The following XKR4 variants were observed in gnomAD, a reference collection of about 807,000 sequenced individuals.
XKR4 encodes the protein XK-related protein 4.
In XKR4, 12 loss-of-function variants were observed where a neutral mutation model predicts 53.9. The observed-to-expected ratio is 0.22, with a 90% CI of 0.14 to 0.36. The LOEUF (loss-of-function observed/expected upper bound fraction) is 0.36. Among genes scored for constraint, XKR4 ranks in the 10% least tolerant of loss-of-function variants. The probability of loss-of-function intolerance (pLI) is 1.00; values close to 1 mark genes in which losing one functional copy is unlikely to be tolerated. For missense variants in XKR4, 799 were observed against 859.5 expected (o/e 0.93, Z 0.88); for synonymous variants, 354 against 362.4 (o/e 0.98, Z 0.26).
intron 2 of XKR4, among the ~76,000 whole-genome samples, chr8:55,473,361 AC>A (rs1805918763): frequency 6.6e-6 from 1 of 151,954 alleles, no homozygotes; most frequent in Admixed American, 6.6e-5. Context: ...CAAAGCAACA[AC>A]CCTATCTTAT....
At chr8:55,259,084 T>A (rs922127837) in intron 1 of XKR4, among the ~76,000 whole-genome samples, 1 of 152,214 alleles carries the variant, frequency 6.6e-6, no homozygotes, top group Non-Finnish European at 1.5e-5. Flanking sequence ...TAAGCCACCA[T>A]GTTCTACAAC....
chr8:55,169,727 A>G (rs894964166), intron 1 of XKR4, among the ~76,000 whole-genome samples: 48 of 152,164 alleles, frequency 3.2e-4, no homozygotes, highest in African/African-American at 1.2e-3. Flanking sequence ...GTGGTATTAA[A>G]CTCTTTCGTT....
In XKR4 at chr8:55,303,955, G is replaced by T. The variant is rs558073110; in HGVS notation, c.807-53723G>T. 2.6e-5 allele frequency among the ~76,000 whole-genome samples: 4 copies of T among 152,176 alleles called. No homozygotes were observed. In the East Asian group the frequency reaches 7.7e-4, roughly 29 times the overall value. On this transcript the variant is annotated intron_variant, in intron 1 of 2. Transcript: ENST00000327381. ...GATCTTTTCAAAAAACCAGCTCCTG[G>T]ATTCATTGATTTTTTGAAGGGTTTT... is the stretch of plus-strand genomic sequence containing the variant.
intron 2 of XKR4, among the ~76,000 whole-genome samples, chr8:55,361,992 G>C (rs1803915837): frequency 6.6e-6 from 1 of 152,120 alleles, no homozygotes; most frequent in Admixed American, 6.5e-5. Flanking sequence ...TTCAGCCCCT[G>C]ATCTCAGGCA....
Position 55,341,472 on chromosome 8 carries a change from GTC to G in XKR4, c.807-16203_807-16202del, listed in dbSNP as rs1803545800. 7.2e-5 allele frequency among the ~76,000 whole-genome samples: 11 copies of G among 152,304 alleles called. No homozygotes were observed. In the South Asian group the frequency reaches 2.3e-3, roughly 32 times the overall value. On this transcript the variant is annotated intron_variant, in intron 1 of 2. Transcript: ENST00000327381. ...GCTACAGGACCACAGGCAGAGACAT[GTC>G]TCAGGGTACCTGTGCCAGGAAGGCG...
At chr8:55,296,603 A>T (rs533396109) in intron 1 of XKR4, among the ~76,000 whole-genome samples, 2 of 152,332 alleles carry the variant, frequency 1.3e-5, no homozygotes, top group East Asian at 3.9e-4. Flanking sequence ...ATTCCAGTGC[A>T]AATTTAGAGA....
chr8:55,179,552 A>G (rs1034159130), intron 1 of XKR4, among the ~76,000 whole-genome samples: 1 of 152,220 alleles, frequency 6.6e-6, no homozygotes, highest in Admixed American at 6.5e-5. Context: ...AAGTGTATTA[A>G]TCAGCTTTTT....
intron 1 of XKR4, among the ~76,000 whole-genome samples, chr8:55,127,201 G>A (rs1333430125): frequency 6.6e-6 from 1 of 151,112 alleles, no homozygotes; most frequent in Admixed American, 6.6e-5. Flanking sequence ...ACCTACTGAA[G>A]GCTATCATTT....
intron 2 of XKR4, among the ~76,000 whole-genome samples, chr8:55,507,600 T>C (rs1806559515): frequency 6.6e-6 from 1 of 152,174 alleles, no homozygotes; most frequent in Non-Finnish European, 1.5e-5. Flanking sequence ...CATGTGGTAT[T>C]TGGTTTTTTG....
At chr8:55,379,322 A>G (rs1304972998) in intron 2 of XKR4, among the ~76,000 whole-genome samples, 1 of 152,150 alleles carries the variant, frequency 6.6e-6, no homozygotes, top group African/African-American at 2.4e-5. Flanking sequence ...ATCCCCCAAT[A>G]CCAAAAAATT....
At chr8:55,415,436 C>G (rs1161697740) in intron 2 of XKR4, among the ~76,000 whole-genome samples, 1 of 152,180 alleles carries the variant, frequency 6.6e-6, no homozygotes, top group Non-Finnish European at 1.5e-5. Context: ...GCAAAGTTAT[C>G]TTCATGTAAT....
chr8:55,268,404 G>T (rs553559824), intron 1 of XKR4, among the ~76,000 whole-genome samples: 1 of 152,272 alleles, frequency 6.6e-6, no homozygotes, highest in African/African-American at 2.4e-5. Context: ...ATGTTGAAGA[G>T]ATTTAGCACC....
Position 55,165,559 on chromosome 8 carries a change from G to T in XKR4, c.806+62265G>T, listed in dbSNP as rs16921290. On this transcript the variant is annotated intron_variant, in intron 1 of 2. Coordinates refer to ENST00000327381, the MANE Select transcript of XKR4 (RefSeq NM_052898.2). ...AAATTCTAATCATTGACAATTTGTG[G>T]TGTCATAATCAACATCAGCGAAGAG... Among the ~76,000 whole-genome samples, 470 of 152,150 alleles carry T rather than the reference G, an allele frequency of 3.1e-3. 6 individuals are homozygous for T. The highest frequency in any genetic ancestry group is 0.028 in the East Asian group (145 of 5,178).
Position 55,536,381 on chromosome 8 carries a change from G to T in XKR4, c.*12154G>T, listed in dbSNP as rs6984950. The T allele has an allele frequency of 0.35, 53,306 of 151,898 alleles. 9,551 individuals carry two copies. Among genetic ancestry groups the T allele is most frequent in the Middle Eastern group, 0.4 (117 of 292 alleles). The allele number at this position is 151,898 out of a possible 1,614,324, so 9.4% of individuals were successfully genotyped here. Reference sequence around the variant, plus strand: ...ACATCTGAATTTTCCAGATGATTGCGGAACCATCGTCACTAAACCAAAGTA... The same window carrying T: ...ACATCTGAATTTTCCAGATGATTGCTGAACCATCGTCACTAAACCAAAGTA... On this transcript the variant is annotated 3_prime_UTR_variant, in exon 3 of 3. Transcript: ENST00000327381.
chr8:55,334,690 G>A (rs1318455046), intron 1 of XKR4, among the ~76,000 whole-genome samples: 2 of 152,130 alleles, frequency 1.3e-5, no homozygotes, highest in African/African-American at 2.4e-5. Context: ...AGCAACTGAT[G>A]ACCTGATGGC....
At chr8:55,225,691 T>C (rs1387135708) in intron 1 of XKR4, among the ~76,000 whole-genome samples, 1 of 152,258 alleles carries the variant, frequency 6.6e-6, no homozygotes, top group South Asian at 2.1e-4. Flanking sequence ...CATGAACGTA[T>C]GCACATCAAG....
chr8:55,143,248 C>A (rs1816729524), intron 1 of XKR4, among the ~76,000 whole-genome samples: 1 of 152,202 alleles, frequency 6.6e-6, no homozygotes, highest in Non-Finnish European at 1.5e-5. Flanking sequence ...TTGTTGAACA[C>A]ATGCACACAT....
intron 1 of XKR4, among the ~76,000 whole-genome samples, chr8:55,353,002 T>A (rs1803747510): frequency 6.6e-6 from 1 of 152,170 alleles, no homozygotes; most frequent in Non-Finnish European, 1.5e-5. Flanking sequence ...AACAAGGTGT[T>A]TTGAATATGT....
chr8:55,534,396 C>T lies in XKR4; in HGVS notation c.*10169C>T, dbSNP rs1371380160. The T allele has an allele frequency of 4.4e-5, 1 of 22,804 alleles. No individual in the cohort carries two copies. The highest frequency in any genetic ancestry group is 1.0e-4 in the Non-Finnish European group (1 of 9,578). 1.4% of individuals were successfully genotyped at this position (22,804 alleles called of 1,614,324 possible). On this transcript the variant is annotated 3_prime_UTR_variant, in exon 3 of 3. Coordinates refer to ENST00000327381, the MANE Select transcript of XKR4 (RefSeq NM_052898.2). ...TTTTTTTTTTTTTTTTTTTTTGAGA[C>T]AGAGTCTCGCTCTGTCGCAGGGGCT...
Sources: gnomAD v4.1 joint callset for allele counts (sites outside exome capture counted in the v4.1 genomes callset) on GRCh38, gnomAD v4.1.1 for gene constraint, MANE v1.5 for transcripts, NCBI Gene and HGNC (gene_info 2026-07-23, HGNC 2026-07-21) for gene names.